Variants in SFT2D2 observed in about 807,000 individuals in gnomAD.
SFT2D2 encodes vesicle transport protein SFT2B.
Under a neutral mutation model 27.4 loss-of-function variants are expected in SFT2D2, and 21 were observed. The ratio of observed to expected loss-of-function variants is 0.77; its 90% confidence interval spans 0.54 to 1.10. The LOEUF (loss-of-function observed/expected upper bound fraction) is 1.10. SFT2D2 is among the 50% of genes least tolerant of loss of function. The pLI, the probability that SFT2D2 is intolerant of heterozygous loss-of-function variation, is 0.00. For missense variants in SFT2D2, 187 were observed against 194.2 expected (o/e 0.96, Z 0.22); for synonymous variants, 72 against 71.7 (o/e 1.00, Z -0.02).
At chr1:168,239,441 C>T (rs574669511) in intron 7 of SFT2D2, among the ~76,000 whole-genome samples, 1 of 150,120 alleles carries the variant, frequency 6.7e-6, no homozygotes, top group East Asian at 1.9e-4. Flanking sequence ...TCTTTTAACC[C>T]GTAGCTTTGA....
intron 4 of SFT2D2, among the ~76,000 whole-genome samples, chr1:168,236,281 T>C (rs1220924003): frequency 1.3e-5 from 2 of 152,358 alleles, no homozygotes; most frequent in South Asian, 2.1e-4. Flanking sequence ...AAGCTTACTT[T>C]AGTGCATTTG....
rs546215392 is a variant in SFT2D2 at position 168,252,305 on chromosome 1, G to T, written c.*9765G>T. The T allele has an allele frequency of 6.6e-6, 1 of 152,250 alleles. No homozygotes were observed. Among genetic ancestry groups the T allele is most frequent in the South Asian group, 2.1e-4 (1 of 4,820 alleles). The allele number at this position is 152,250 out of a possible 1,614,324, so 9.4% of individuals were successfully genotyped here. ...AATAAACAGCCACAAACAACAAAAG[G>T]ACAACTGGTCCCCGATATAAATGGA... On this transcript the variant is annotated 3_prime_UTR_variant, in exon 8 of 8. Transcript: ENST00000271375.
At chr1:168,227,672 A>G (rs920017407) in intron 1 of SFT2D2, among the ~76,000 whole-genome samples, 5 of 152,074 alleles carry the variant, frequency 3.3e-5, no homozygotes, top group African/African-American at 1.2e-4. Flanking sequence ...TCTCAAGTGG[A>G]ACCTCAGACC....
intron 1 of SFT2D2, 88 bp downstream of exon 1, chr1:168,226,230 C>G: frequency 8.5e-7 from 1 of 1,178,284 alleles, no homozygotes; most frequent in Non-Finnish European, 1.2e-6. Context: ...CGGGGACTCC[C>G]TGGAGTTTCT....
chr1:168,231,681 C>G, intron 2 of SFT2D2, 81 bp downstream of exon 2: 1 of 1,506,114 alleles, frequency 6.6e-7, no homozygotes, highest in Non-Finnish European at 9.2e-7. Context: ...CTCCTTTCCC[C>G]TTTTGCCCTT....
chr1:168,248,030 A>G lies in SFT2D2; in HGVS notation c.*5490A>G, dbSNP rs1438685100. 6.6e-6 allele frequency: 1 copy of G among 152,118 alleles called. No individual in the cohort carries two copies. The highest frequency in any genetic ancestry group is 2.4e-5 in the African/African-American group (1 of 41,420). The allele number at this position is 152,118 out of a possible 1,614,324, so 9.4% of individuals were successfully genotyped here. On this transcript the variant is annotated 3_prime_UTR_variant, in exon 8 of 8. Coordinates refer to ENST00000271375, the MANE Select transcript of SFT2D2 (RefSeq NM_199344.3). The stretch of plus-strand genomic sequence containing the variant: ...TTTTCGATGGGGTTGTTTTGCTCTT[A>G]TAAATTTGTTTAAGTTCTATGTAGA...
Position 168,226,158 on chromosome 1 carries a change from G to A in SFT2D2, c.63+16G>A. The A allele has an allele frequency of 6.5e-7, 1 of 1,527,334 alleles. No individual in the cohort carries two copies. Among genetic ancestry groups the A allele is most frequent in the Non-Finnish European group, 8.8e-7 (1 of 1,136,584 alleles). 94.6% of individuals were successfully genotyped at this position (1,527,334 alleles called of 1,614,324 possible). A position where few individuals can be genotyped will look rare whatever the true frequency, so the allele number is the denominator to read the frequency against. ...CCTGTCCGAGGTGAGTGAGCCCGGG[G>A]CCGTCGGCCCCCTCTCGCCGCGCTC... is the stretch of plus-strand genomic sequence containing the variant. On this transcript the variant is annotated intron_variant, in intron 1 of 7. Coordinates refer to ENST00000271375, the MANE Select transcript of SFT2D2 (RefSeq NM_199344.3).
intron 7 of SFT2D2, 40 bp from the exon 8 acceptor site, chr1:168,242,461 T>G: frequency 6.2e-7 from 1 of 1,613,436 alleles, no homozygotes. Context: ...GCCTTTGGGG[T>G]GATGACGTTC....
intron 3 of SFT2D2, among the ~76,000 whole-genome samples, chr1:168,233,634 A>G (rs923750941): frequency 6.6e-6 from 1 of 152,008 alleles, no homozygotes. Flanking sequence ...CTCCAATACT[A>G]ACTTTGGGTG....
At chr1:168,241,522 A>G (rs1384161176) in intron 7 of SFT2D2, among the ~76,000 whole-genome samples, 1 of 152,102 alleles carries the variant, frequency 6.6e-6, no homozygotes, top group Non-Finnish European at 1.5e-5. Flanking sequence ...TTCCCCTGGA[A>G]TAGCTTTTCC....
chr1:168,229,963 G>A lies in SFT2D2; in HGVS notation c.64-1551G>A, dbSNP rs192585742. On this transcript the variant is annotated intron_variant, in intron 1 of 7. Coordinates refer to ENST00000271375, the MANE Select transcript of SFT2D2 (RefSeq NM_199344.3). ...GCTCATCTGTCAGATCTTAACACTGGGCCCCTGCTGTCTGTTATCATCCCT... is the reference window on the plus strand; with the variant it reads ...GCTCATCTGTCAGATCTTAACACTGAGCCCCTGCTGTCTGTTATCATCCCT... 2.8e-4 allele frequency among the ~76,000 whole-genome samples: 42 copies of A among 152,208 alleles called. No homozygotes were observed. The Middle Eastern group carries it at 0.02, about 74-fold the overall frequency.
At chr1:168,226,304 T>G (rs1284084224) in intron 1 of SFT2D2, among the ~76,000 whole-genome samples, 162 bp downstream of exon 1, 1 of 152,150 alleles carries the variant, frequency 6.6e-6, no homozygotes, top group Non-Finnish European at 1.5e-5. Flanking sequence ...GGTCTGGCAC[T>G]ACACGGGGCA....
At chr1:168,237,889 A>G (rs571131709) in intron 6 of SFT2D2, among the ~76,000 whole-genome samples, 4 of 149,992 alleles carry the variant, frequency 2.7e-5, no homozygotes, top group Admixed American at 1.3e-4. Context: ...TGACATGCAC[A>G]TTTGAGTGGT....
At position 168,249,949 on chromosome 1, in the gene SFT2D2, G is replaced by C. The variant is rs757419121; in HGVS notation, c.*7409G>C. Reference sequence around the variant, plus strand: ...ATACTTATCTAGTACTATGTGCCCGGCGCTGTAGACACTGCCATGTTTTAT... The same window carrying C: ...ATACTTATCTAGTACTATGTGCCCGCCGCTGTAGACACTGCCATGTTTTAT... On this transcript the variant is annotated 3_prime_UTR_variant, in exon 8 of 8. Coordinates refer to ENST00000271375, the MANE Select transcript of SFT2D2 (RefSeq NM_199344.3). The C allele has an allele frequency of 1.3e-5, 2 of 152,152 alleles. No homozygotes were observed. Among genetic ancestry groups the C allele is most frequent in the African/African-American group, 2.4e-5 (1 of 41,416 alleles). 9.4% of individuals were successfully genotyped at this position (152,152 alleles called of 1,614,324 possible). A position where few individuals can be genotyped will look rare whatever the true frequency, so the allele number is the denominator to read the frequency against.
rs751226853 is a variant in SFT2D2, at chr1:168,242,811, C to T, written c.*271C>T. 43 of 466,438 alleles carry T rather than the reference C, an allele frequency of 9.2e-5. No homozygotes were observed. Among genetic ancestry groups the T allele is most frequent in the Non-Finnish European group, 1.5e-4 (38 of 252,634 alleles). The allele number at this position is 466,438 out of a possible 1,614,324, so 28.9% of individuals were successfully genotyped here. On this transcript the variant is annotated 3_prime_UTR_variant, in exon 8 of 8. Transcript: ENST00000271375. ...CCTGTTTCCTCTCTGGATGTTGTCC[C>T]ACTGAATTCCCATGAATACAAACCT...
Position 168,226,004 on chromosome 1 carries a change from A to C in SFT2D2, c.-76A>C. ...CTGGGCGGCTGGGCGGCTGCCTAGC[A>C]CCCGGAAGAGCCGTCAACTTAGCGA... On this transcript the variant is annotated 5_prime_UTR_variant, in exon 1 of 8. Coordinates refer to ENST00000271375, the MANE Select transcript of SFT2D2 (RefSeq NM_199344.3). The C allele has an allele frequency of 1.5e-6, 2 of 1,365,504 alleles. No homozygotes were observed. The highest frequency in any genetic ancestry group is 1.9e-6 in the Non-Finnish European group (2 of 1,034,988). 84.6% of individuals were successfully genotyped at this position (1,365,504 alleles called of 1,614,324 possible). A position where few individuals can be genotyped will look rare whatever the true frequency, so the allele number is the denominator to read the frequency against.
chr1:168,236,729 T>C lies in SFT2D2; in HGVS notation c.372T>C (p.Leu124=). Residue 124 remains leucine, a synonymous_variant, in exon 6 of 8, where the codon CTT becomes CTC. Transcript: ENST00000271375. Reference sequence around the variant, plus strand: ...TTTTCCAGTGGCATAACAAGGGACTTGCACTTATCTTCTGCATTTTGCAGT... The same window carrying C: ...TTTTCCAGTGGCATAACAAGGGACTCGCACTTATCTTCTGCATTTTGCAGT... ...CSAFWWHNKG[L]ALIFCILQSL... 1.9e-6 allele frequency: 3 copies of C among 1,614,264 alleles called. No individual in the cohort carries two copies. Among genetic ancestry groups the C allele is most frequent in the Non-Finnish European group, 2.5e-6 (3 of 1,180,048 alleles).
Position 168,245,527 on chromosome 1 carries a change from A to G in SFT2D2, c.*2987A>G, listed in dbSNP as rs950490974. On this transcript the variant is annotated 3_prime_UTR_variant, in exon 8 of 8. Coordinates refer to ENST00000271375, the MANE Select transcript of SFT2D2 (RefSeq NM_199344.3). Reference sequence around the variant, plus strand: ...TGTTAATTCTTTCCCATATTAATCTATAGATATAATGCAGTCCCCATCCAA... The same window carrying G: ...TGTTAATTCTTTCCCATATTAATCTGTAGATATAATGCAGTCCCCATCCAA... 3 of 149,378 alleles carry G rather than the reference A, an allele frequency of 2.0e-5. No individual in the cohort carries two copies. Among genetic ancestry groups the G allele is most frequent in the South Asian group, 4.2e-4 (2 of 4,774 alleles). 9.3% of individuals were successfully genotyped at this position (149,378 alleles called of 1,614,324 possible). A position where few individuals can be genotyped will look rare whatever the true frequency, so the allele number is the denominator to read the frequency against.
chr1:168,228,557 A>T (rs1053663611), intron 1 of SFT2D2, among the ~76,000 whole-genome samples: 1 of 152,110 alleles, frequency 6.6e-6, no homozygotes, highest in African/African-American at 2.4e-5. Context: ...GTTTCAATGG[A>T]CTTCTTTCTG....
Sources: gnomAD v4.1 joint callset for allele counts (sites outside exome capture counted in the v4.1 genomes callset) on GRCh38, gnomAD v4.1.1 for gene constraint, MANE v1.5 for transcripts, NCBI Gene and HGNC (gene_info 2026-07-23, HGNC 2026-07-21) for gene names.